NCKAP5: variants seen among roughly 807,000 people sequenced by gnomAD.
NCKAP5 encodes NCK associated protein 5, also known as nck-associated protein 5.
In NCKAP5, 92 loss-of-function variants were observed where a neutral mutation model predicts 167.0. That is an observed-to-expected ratio of 0.55 (90% confidence interval 0.47 to 0.66). The LOEUF is 0.66. Ranked by LOEUF, NCKAP5 falls within the 30% of genes least tolerant of loss-of-function variation. The pLI, the probability that NCKAP5 is intolerant of heterozygous loss-of-function variation, is 0.00. For missense variants in NCKAP5, 2,378 were observed against 2,315.0 expected, an observed-to-expected ratio of 1.03 and a Z score of -0.56; for synonymous variants, 891 against 877.4, an observed-to-expected ratio of 1.02 and a Z score of -0.27.
intron 8 of NCKAP5, among the ~76,000 whole-genome samples, chr2:132,957,729 A>T (rs2076384881): frequency 6.6e-6 from 1 of 152,208 alleles, no homozygotes; most frequent in South Asian, 2.1e-4. Flanking sequence ...TCTATGTAAA[A>T]TCTGACCATA....
chr2:133,110,748 C>T (rs2081879968), intron 6 of NCKAP5, among the ~76,000 whole-genome samples: 1 of 152,102 alleles, frequency 6.6e-6, no homozygotes, highest in South Asian at 2.1e-4. Flanking sequence ...ACAACTTTGC[C>T]CCCGTATTCT....
intron 19 of NCKAP5, among the ~76,000 whole-genome samples, chr2:132,713,701 GA>G (rs528388412): frequency 6.1e-4 from 63 of 103,194 alleles, no homozygotes; most frequent in African/African-American, 2.2e-3. Context: ...TCATAAGACA[GA>G]AAGGGCCAAA....
chr2:133,131,633 TC>T (rs1198507760), intron 5 of NCKAP5, among the ~76,000 whole-genome samples: 3 of 152,200 alleles, frequency 2.0e-5, no homozygotes, highest in African/African-American at 7.2e-5. Context: ...ACTCCCATAA[TC>T]AGTTACTTTT....
chr2:133,388,480 G>A (rs1364795875), intron 3 of NCKAP5, among the ~76,000 whole-genome samples: 3 of 152,334 alleles, frequency 2.0e-5, no homozygotes, highest in Admixed American at 2.0e-4. Context: ...TAGGCTACTC[G>A]GGGGTCAGGG....
At chr2:133,014,312 C>T (rs80330390) in intron 6 of NCKAP5, among the ~76,000 whole-genome samples, 7,637 of 152,250 alleles carry the variant, frequency 0.05, 574 homozygotes, top group African/African-American at 0.17. Flanking sequence ...TGCTTTCCTG[C>T]CTCCAGATCT....
chr2:132,831,919 G>C (rs188095582), intron 11 of NCKAP5, among the ~76,000 whole-genome samples: 1 of 152,076 alleles, frequency 6.6e-6, no homozygotes, highest in East Asian at 1.9e-4. Context: ...GAAATACATT[G>C]ATGAATCCCT....
At chr2:133,128,939 T>C (rs1487203191) in intron 6 of NCKAP5, among the ~76,000 whole-genome samples, 3 of 128,498 alleles carry the variant, frequency 2.3e-5, no homozygotes, top group African/African-American at 9.1e-5. Context: ...GGACAGAAAC[T>C]CACTGATTTT....
At chr2:133,162,884 C>T (rs77170077) in intron 5 of NCKAP5, among the ~76,000 whole-genome samples, 4 of 152,114 alleles carry the variant, frequency 2.6e-5, no homozygotes, top group Middle Eastern at 3.4e-3. Flanking sequence ...AACAGTCATA[C>T]GTTATTTTTT....
intron 5 of NCKAP5, among the ~76,000 whole-genome samples, chr2:133,152,907 G>A (rs2083434143): frequency 1.3e-5 from 2 of 152,198 alleles, no homozygotes; most frequent in Non-Finnish European, 2.9e-5. Context: ...CCAGGAGCAT[G>A]AGGCCATACC....
chr2:133,443,090 G>A (rs1050469060), intron 3 of NCKAP5, among the ~76,000 whole-genome samples: 7 of 152,302 alleles, frequency 4.6e-5, no homozygotes, highest in Admixed American at 6.5e-5. Context: ...ATACAAAAAC[G>A]AAACCTAAAA....
chr2:133,595,797 CA>C, the NCKAP5 span, among the ~76,000 whole-genome samples: 1 of 152,136 alleles, frequency 6.6e-6, no homozygotes, highest in Non-Finnish European at 1.5e-5. Context: ...AATATGTAAA[CA>C]AACAAGCATG....
At chr2:132,770,070 G>T (rs970011141) in intron 16 of NCKAP5, among the ~76,000 whole-genome samples, 1 of 152,120 alleles carries the variant, frequency 6.6e-6, no homozygotes, top group Non-Finnish European at 1.5e-5. Flanking sequence ...AATGATTCTT[G>T]TGCAGTTTAC....
intron 11 of NCKAP5, among the ~76,000 whole-genome samples, chr2:132,811,926 C>G (rs1204937112): frequency 2.6e-5 from 4 of 152,186 alleles, no homozygotes; most frequent in Non-Finnish European, 5.9e-5. Flanking sequence ...CTAGGGGACA[C>G]AGCAAGCTCC....
intron 11 of NCKAP5, among the ~76,000 whole-genome samples, chr2:132,820,509 T>C (rs1327124571): frequency 1.3e-5 from 2 of 152,162 alleles, no homozygotes; most frequent in African/African-American, 4.8e-5. Flanking sequence ...ATTACAGGCG[T>C]GAGCCACCGA....
At chr2:133,323,183 T>C (rs1218772971) in intron 3 of NCKAP5, among the ~76,000 whole-genome samples, 1 of 152,212 alleles carries the variant, frequency 6.6e-6, no homozygotes, top group Non-Finnish European at 1.5e-5. Flanking sequence ...ATTTAATTGA[T>C]ATCATTTATG....
intron 3 of NCKAP5, among the ~76,000 whole-genome samples, chr2:133,460,032 A>G (rs1458685916): frequency 6.6e-6 from 1 of 152,202 alleles, no homozygotes; most frequent in Non-Finnish European, 1.5e-5. Flanking sequence ...CTTTACTAGT[A>G]ATTAGCAGAT....
chr2:133,198,309 A>T (rs2085528082), intron 5 of NCKAP5, among the ~76,000 whole-genome samples: 1 of 152,152 alleles, frequency 6.6e-6, no homozygotes, highest in Non-Finnish European at 1.5e-5. Context: ...GTGAACCCCA[A>T]ACAGGATAAT....
chr2:133,208,298 G>A (rs78755132), intron 5 of NCKAP5, among the ~76,000 whole-genome samples: 7,956 of 152,114 alleles, frequency 0.052, 648 homozygotes, highest in African/African-American at 0.18. Flanking sequence ...ACACTGTACC[G>A]CTGCATTCTG....
At chr2:133,320,708 T>G (rs1681983629) in intron 3 of NCKAP5, among the ~76,000 whole-genome samples, 1 of 152,012 alleles carries the variant, frequency 6.6e-6, no homozygotes, top group South Asian at 2.1e-4. Context: ...AGCGAGACTC[T>G]GTCTCAAATA....
Sources: allele counts gnomAD v4.1 joint callset (sites outside exome capture counted in the v4.1 genomes callset), GRCh38; gene constraint gnomAD v4.1.1; transcripts MANE v1.5; gene names NCBI Gene and HGNC (gene_info 2026-07-23, HGNC 2026-07-21).